Variants in ITPR1 observed in about 807,000 individuals in gnomAD.
ITPR1 encodes the protein inositol 1,4,5-trisphosphate receptor type 1.
In ITPR1, 96 loss-of-function variants were observed where a neutral mutation model predicts 318.4. The observed-to-expected ratio is 0.30, with a 90% confidence interval of 0.26 to 0.36. The LOEUF (loss-of-function observed/expected upper bound fraction) is 0.36, where lower values mean the gene tolerates loss of function less well. Among genes scored for constraint, ITPR1 ranks in the 10% least tolerant of loss-of-function variants. The pLI is 1.00. For missense variants in ITPR1, 2,440 were observed against 3,460.2 expected, an observed-to-expected ratio of 0.71 and a Z score of 7.40; for synonymous variants, 1,312 against 1,289.9, an observed-to-expected ratio of 1.02 and a Z score of -0.37.
At chr3:4,834,789 A>G (rs2106539730) in intron 60 of ITPR1, among the ~76,000 whole-genome samples, 1 of 152,322 alleles carries the variant, frequency 6.6e-6, no homozygotes, top group East Asian at 1.9e-4. Context: ...GTCATCTCTG[A>G]AATGGAATAT....
At chr3:4,667,642 C>A in intron 18 of ITPR1, 93 bp downstream of exon 18, 1 of 1,255,944 alleles carries the variant, frequency 8.0e-7, no homozygotes, top group Non-Finnish European at 1.1e-6. Flanking sequence ...CCTTGTGCTG[C>A]TAGTGACAAG....
intron 44 of ITPR1, among the ~76,000 whole-genome samples, chr3:4,753,259 A>G (rs1314331519): frequency 6.6e-6 from 1 of 152,036 alleles, no homozygotes; most frequent in Non-Finnish European, 1.5e-5. Context: ...TCGGGGCTGG[A>G]TGAGGTGATC....
chr3:4,568,876 C>T (rs2087678318), intron 4 of ITPR1, among the ~76,000 whole-genome samples: 1 of 152,116 alleles, frequency 6.6e-6, no homozygotes, highest in Non-Finnish European at 1.5e-5. Flanking sequence ...CACAGTTCTG[C>T]AGTCTGTATA....
chr3:4,643,920 C>T (rs772261506), intron 7 of ITPR1, among the ~76,000 whole-genome samples: 3 of 151,178 alleles, frequency 2.0e-5, no homozygotes, highest in African/African-American at 4.9e-5. Context: ...CAGTGACACT[C>T]GAGGAACAAC....
At position 4,675,127 on chromosome 3, in the gene ITPR1, A is replaced by C. The variant is rs2306877; in HGVS notation, c.2658A>C (p.Leu886=). ...GTTTCTACAACTTCTCTGACCTTCTACGATTAACTAAGATCCTTCTGGCCA... is the reference window on the plus strand; with the variant it reads ...GTTTCTACAACTTCTCTGACCTTCTCCGATTAACTAAGATCCTTCTGGCCA... ...YFGFYNFSDL[L]RLTKILLAIL... Residue 886 remains leucine, a synonymous_variant, in exon 23 of 62, where the codon CTA becomes CTC. Coordinates refer to ENST00000649015, the MANE Select transcript of ITPR1 (RefSeq NM_001378452.1). 351,463 of 1,605,562 alleles carry C rather than the reference A, an allele frequency of 0.22. 43,134 individuals carry two copies. Among genetic ancestry groups the C allele is most frequent in the Admixed American group, 0.38 (22,943 of 59,790 alleles).
intron 42 of ITPR1, among the ~76,000 whole-genome samples, chr3:4,732,004 A>G (rs953034767): frequency 1.3e-5 from 2 of 152,178 alleles, no homozygotes; most frequent in East Asian, 1.9e-4. Context: ...TTCATGACGT[A>G]CCAGAGGAAC....
intron 24 of ITPR1, among the ~76,000 whole-genome samples, chr3:4,678,798 C>CGA (rs1471569366): frequency 6.6e-6 from 1 of 152,026 alleles, no homozygotes; most frequent in Non-Finnish European, 1.5e-5. Flanking sequence ...AGCCTGAAGC[C>CGA]GAGTACCATG....
chr3:4,744,891 TCCCTCCCTCC>T (rs2043967387), intron 44 of ITPR1, among the ~76,000 whole-genome samples: 1 of 112,862 alleles, frequency 8.9e-6, no homozygotes, highest in African/African-American at 3.6e-5. Flanking sequence ...CCTCTCTGTC[TCCCTCCCTCC>T]TTCCTTCCTT....
intron 4 of ITPR1, among the ~76,000 whole-genome samples, chr3:4,620,260 T>C (rs896937359): frequency 6.6e-6 from 1 of 152,228 alleles, no homozygotes; most frequent in African/African-American, 2.4e-5. Flanking sequence ...CAGTTTTACA[T>C]GCCTTCGTTG....
intron 44 of ITPR1, among the ~76,000 whole-genome samples, chr3:4,759,465 ACT>A (rs2045275549): frequency 6.6e-6 from 1 of 152,146 alleles, no homozygotes. Context: ...GTCAAAAGTA[ACT>A]GTCTTGGGCA....
chr3:4,813,251 G>C lies in ITPR1; in HGVS notation c.7561+17G>C. The C allele has an allele frequency of 6.4e-7, 1 of 1,559,900 alleles. No homozygotes were observed. Among genetic ancestry groups the C allele is most frequent in the Non-Finnish European group, 8.8e-7 (1 of 1,138,448 alleles). ...CCAGAGAAGGTAGGACCTCCTAACT[G>C]TAAGCCCCATGTTAATATCGGACTC... On this transcript the variant is annotated intron_variant, in intron 57 of 61. Coordinates refer to ENST00000649015, the MANE Select transcript of ITPR1 (RefSeq NM_001378452.1).
At chr3:4,609,856 G>A (rs1225083656) in intron 4 of ITPR1, among the ~76,000 whole-genome samples, 3 of 152,158 alleles carry the variant, frequency 2.0e-5, no homozygotes, top group African/African-American at 4.8e-5. Flanking sequence ...GTGGAGAAAC[G>A]GGGCCAAACC....
intron 4 of ITPR1, among the ~76,000 whole-genome samples, chr3:4,604,170 T>A (rs1357882370): frequency 2.0e-5 from 3 of 152,200 alleles, no homozygotes; most frequent in Admixed American, 1.3e-4. Context: ...AGTTTTCAGA[T>A]GTGTCTGAGG....
At chr3:4,523,479 A>G (rs1463889331) in intron 4 of ITPR1, among the ~76,000 whole-genome samples, 1 of 152,082 alleles carries the variant, frequency 6.6e-6, no homozygotes, top group Non-Finnish European at 1.5e-5. Context: ...AGTTTCAAAT[A>G]TACGGTGTAT....
intron 51 of ITPR1, among the ~76,000 whole-genome samples, chr3:4,786,555 C>A (rs2047210527): frequency 6.6e-6 from 1 of 152,250 alleles, no homozygotes; most frequent in Admixed American, 6.5e-5. Flanking sequence ...TGGGCCTCAC[C>A]TGACTTCTCC....
intron 51 of ITPR1, 124 bp from the exon 52 acceptor site, chr3:4,787,823 G>C: frequency 1.6e-6 from 1 of 629,724 alleles, no homozygotes; most frequent in Non-Finnish European, 2.7e-6. Context: ...GCCCAGTTTG[G>C]GGTTATAAAA....
At chr3:4,687,018 T>C (rs1412765283) in intron 30 of ITPR1, among the ~76,000 whole-genome samples, 2 of 152,230 alleles carry the variant, frequency 1.3e-5, no homozygotes, top group East Asian at 1.9e-4. Context: ...TTGGTTTGAT[T>C]GTCAAAGCTG....
intron 4 of ITPR1, among the ~76,000 whole-genome samples, chr3:4,562,805 A>C (rs1382439241): frequency 6.6e-6 from 1 of 152,162 alleles, no homozygotes. Flanking sequence ...GAGTGAGACA[A>C]ATGTAGTCTC....
chr3:4,592,345 T>C (rs897587763), intron 4 of ITPR1, among the ~76,000 whole-genome samples: 2 of 152,220 alleles, frequency 1.3e-5, no homozygotes, highest in Non-Finnish European at 2.9e-5. Context: ...TGGTATTCAT[T>C]GTACGTAAAC....
Sources: gnomAD v4.1 joint callset for allele counts (sites outside exome capture counted in the v4.1 genomes callset) on GRCh38, gnomAD v4.1.1 for gene constraint, MANE v1.5 for transcripts, NCBI Gene and HGNC (gene_info 2026-07-23, HGNC 2026-07-21) for gene names.